Variants in TBC1D14 observed in about 807,000 individuals in gnomAD.
TBC1D14 encodes the protein TBC1 domain family, member 14.
A neutral mutation model predicts 79.0 loss-of-function variants in TBC1D14; 26 were observed. The ratio of observed to expected loss-of-function variants is 0.33; its 90% confidence interval spans 0.24 to 0.46. The LOEUF (loss-of-function observed/expected upper bound fraction) is 0.46, where lower values mean the gene tolerates loss of function less well. Ranked by LOEUF, TBC1D14 falls within the 20% of genes least tolerant of loss-of-function variation. TBC1D14 has a pLI of 1.00. For synonymous variants in TBC1D14, 394 were observed against 349.9 expected (o/e 1.13, Z -1.40); for missense variants, 769 against 887.6 (o/e 0.87, Z 1.70).
chr4:6,957,626 G>A (rs180879483), intron 2 of TBC1D14, among the ~76,000 whole-genome samples: 38 of 152,326 alleles, frequency 2.5e-4, no homozygotes, highest in African/African-American at 8.9e-4. Context: ...ATATTCCTGG[G>A]AAGAGAATGT....
rs1560345749 is a variant in TBC1D14, at chr4:7,010,688, C to T, written c.1554C>T (p.Ile518=). 2.5e-6 allele frequency: 4 copies of T among 1,614,102 alleles called. No homozygotes were observed. Among genetic ancestry groups the T allele is most frequent in the Non-Finnish European group, 3.4e-6 (4 of 1,179,998 alleles). The change falls in exon 11 of 14, where the codon ATC becomes ATT. Residue 518 remains isoleucine (I), a synonymous_variant. Coordinates refer to ENST00000409757, the MANE Select transcript of TBC1D14 (RefSeq NM_020773.3). ...QGMSFIAAVL[I]LNLDTADAFI... is the part of the protein sequence containing the mutation. ...TGTCCTTCATAGCAGCAGTGTTGAT[C>T]TTGAACTTAGATACTGCAGATGCCT...
intron 3 of TBC1D14, among the ~76,000 whole-genome samples, chr4:6,990,651 G>A (rs145825506): frequency 0.012 from 1,845 of 152,280 alleles, 17 homozygotes; most frequent in Middle Eastern, 0.037. Flanking sequence ...GAAGTGGACC[G>A]CACCAGTACT....
Position 6,935,267 on chromosome 4 carries a change from TTTTG to T in TBC1D14, c.722+11176_722+11179del, listed in dbSNP as rs754480416. Among the ~76,000 whole-genome samples, 48 of 151,220 alleles carry T rather than the reference TTTTG, an allele frequency of 3.2e-4. No homozygotes were observed. In the Middle Eastern group the frequency reaches 0.011, roughly 33 times the overall value. On this transcript the variant is annotated intron_variant, in intron 2 of 13. Coordinates refer to ENST00000409757, the MANE Select transcript of TBC1D14 (RefSeq NM_020773.3). The stretch of plus-strand genomic sequence containing the variant: ...TTTTTAAGATTGGAGAAATACAGGG[TTTTG>T]TTTGTTTGTTTGTTTGTTTTTAATT...
chr4:6,961,003 G>C (rs1160319231), intron 2 of TBC1D14, among the ~76,000 whole-genome samples: 2 of 152,170 alleles, frequency 1.3e-5, no homozygotes, highest in Non-Finnish European at 2.9e-5. Flanking sequence ...CTAATTATTA[G>C]GACACCGTGT....
At chr4:6,926,315 G>T (rs973924803) in intron 2 of TBC1D14, among the ~76,000 whole-genome samples, 1 of 152,200 alleles carries the variant, frequency 6.6e-6, no homozygotes, top group Non-Finnish European at 1.5e-5. Context: ...GGCGATCATG[G>T]CCACGTTGCT....
intron 2 of TBC1D14, among the ~76,000 whole-genome samples, chr4:6,927,258 G>A (rs1355852455): frequency 6.6e-6 from 1 of 152,136 alleles, no homozygotes; most frequent in Non-Finnish European, 1.5e-5. Flanking sequence ...GGCATTTCAC[G>A]GGCTATGGGG....
At chr4:6,941,455 G>A (rs1577064740) in intron 2 of TBC1D14, among the ~76,000 whole-genome samples, 1 of 152,306 alleles carries the variant, frequency 6.6e-6, no homozygotes, top group East Asian at 1.9e-4. Flanking sequence ...AAAGTGCTGG[G>A]ATTCCTGGCA....
At chr4:6,975,289 A>G (rs1716620984) in intron 3 of TBC1D14, among the ~76,000 whole-genome samples, 1 of 152,172 alleles carries the variant, frequency 6.6e-6, no homozygotes, top group African/African-American at 2.4e-5. Context: ...GCTCACTGCA[A>G]CATCTGCCTC....
rs530372189 is a variant in TBC1D14 at position 6,928,007 on chromosome 4, C to T, written c.722+3896C>T. The stretch of plus-strand genomic sequence containing the variant: ...AACATGCTTGTGGTGGGTTTATTTT[C>T]CACAGAAGATAGGGTTGGGCTTTGT... On this transcript the variant is annotated intron_variant, in intron 2 of 13. Transcript: ENST00000409757. 4.3e-4 allele frequency among the ~76,000 whole-genome samples: 66 copies of T among 152,250 alleles called. 1 individual carries two copies. Among genetic ancestry groups the T allele is most frequent in the Admixed American group, 1.3e-3 (20 of 15,284 alleles).
At chr4:6,967,175 C>T in intron 2 of TBC1D14, 129 bp from the exon 3 acceptor site, 1 of 1,228,682 alleles carries the variant, frequency 8.1e-7, no homozygotes, top group South Asian at 1.5e-5. Flanking sequence ...GTATGAAAAT[C>T]AAGTCTGAAG....
rs752512167 is a variant in TBC1D14, at chr4:6,923,522, G to C, written c.133G>C (p.Glu45Gln). Residue 45 changes from glutamate to glutamine, a missense_variant, in exon 2 of 14, where the codon GAG becomes CAG. Physicochemically the swap from Glu to Gln is conservative, Grantham distance 29. This residue lies in a region of TBC1D14 where 402 missense variants were observed against 393.2 expected (regional missense o/e 1.02). Transcript: ENST00000409757. ...GGCGCCCCGACTCCTCTCCGCGCCTGAGTACGGGCCCAAGCTGAAACTCAG... is the reference window on the plus strand; with the variant it reads ...GGCGCCCCGACTCCTCTCCGCGCCTCAGTACGGGCCCAAGCTGAAACTCAG... Reference protein sequence around the residue: ...LKAPRLLSAPEYGPKLKLRAL... With the variant: ...LKAPRLLSAPQYGPKLKLRAL... The C allele has an allele frequency of 3.7e-6, 6 of 1,614,182 alleles. No homozygotes were observed. The highest frequency in any genetic ancestry group is 5.1e-6 in the Non-Finnish European group (6 of 1,180,036).
intron 3 of TBC1D14, among the ~76,000 whole-genome samples, chr4:6,988,187 T>A (rs1718080147): frequency 6.6e-6 from 1 of 152,230 alleles, no homozygotes; most frequent in African/African-American, 2.4e-5. Context: ...CAATTGCTTT[T>A]ACAAATGGCC....
At position 6,924,948 on chromosome 4, in the gene TBC1D14, C is replaced by T. The variant is rs57077904; in HGVS notation, c.722+837C>T. On this transcript the variant is annotated intron_variant, in intron 2 of 13. Transcript: ENST00000409757. ...ACACAAGCAAATGTGAACTCCCGAACGGTGGCGTGCTGGGAGGAAGGGCAC... is the reference window on the plus strand; with the variant it reads ...ACACAAGCAAATGTGAACTCCCGAATGGTGGCGTGCTGGGAGGAAGGGCAC... Among the ~76,000 whole-genome samples, 562 of 152,096 alleles carry T rather than the reference C, an allele frequency of 3.7e-3. 3 individuals are homozygous for T. Among genetic ancestry groups the T allele is most frequent in the East Asian group, 0.014 (74 of 5,172 alleles).
intron 2 of TBC1D14, among the ~76,000 whole-genome samples, chr4:6,945,745 G>A (rs1446515286): frequency 2.2e-4 from 12 of 53,516 alleles, no homozygotes; most frequent in African/African-American, 8.3e-4. Context: ...GCAAAACTGC[G>A]TCTCAAAAAA....
intron 3 of TBC1D14, among the ~76,000 whole-genome samples, chr4:6,988,963 A>C (rs1263501108): frequency 3.1e-5 from 4 of 130,272 alleles, no homozygotes; most frequent in African/African-American, 1.2e-4. Context: ...TGCAACCTTG[A>C]ACTCCTGGGC....
intron 6 of TBC1D14, 133 bp downstream of exon 6, chr4:6,999,335 C>G (rs535279261): frequency 2.5e-6 from 2 of 791,836 alleles, no homozygotes; most frequent in Admixed American, 4.2e-5. Flanking sequence ...TCTTCCTTCC[C>G]TCTACCCTGG....
Position 7,001,172 on chromosome 4 carries a change from A to G in TBC1D14, c.1191A>G (p.Leu397=), listed in dbSNP as rs146937379. The G allele has an allele frequency of 2.5e-6, 4 of 1,613,998 alleles. No individual in the cohort carries two copies. Among genetic ancestry groups the G allele is most frequent in the East Asian group, 4.5e-5 (2 of 44,892 alleles). ...GGTGCTCTAGAAAAGTTCGAGATTT[A>G]TGGTGGCAGGGAATCCCTCCAAGTG... The part of the protein sequence containing the change: ...TMWCSRKVRD[L]WWQGIPPSVR... Residue 397 remains leucine, a synonymous_variant, in exon 7 of 14, where the codon TTA becomes TTG. Transcript: ENST00000409757.
intron 12 of TBC1D14, among the ~76,000 whole-genome samples, chr4:7,019,489 T>C (rs6811496): frequency 0.89 from 135,150 of 152,112 alleles, 60,285 homozygotes; most frequent in East Asian, 0.98. Flanking sequence ...CTGGCTTAGG[T>C]TGGGTCTTTA....
chr4:6,935,509 C>T (rs781177783), intron 2 of TBC1D14, among the ~76,000 whole-genome samples: 2 of 152,038 alleles, frequency 1.3e-5, no homozygotes, highest in South Asian at 2.1e-4. Flanking sequence ...CAGGCACTCT[C>T]GTGCGTGCTC....
Sources: gnomAD v4.1 joint callset for allele counts (sites outside exome capture counted in the v4.1 genomes callset) on GRCh38, gnomAD v4.1.1 for gene constraint, gnomAD v4.1.1 regional missense constraint, MANE v1.5 for transcripts, NCBI Gene and HGNC (gene_info 2026-07-23, HGNC 2026-07-21) for gene names.